Variants in PTPRD observed in about 807,000 individuals in gnomAD.
The protein encoded by PTPRD is receptor-type tyrosine-protein phosphatase delta.
A neutral mutation model predicts 214.5 loss-of-function variants in PTPRD; 34 were observed. The ratio of observed to expected loss-of-function variants is 0.16; its 90% CI spans 0.12 to 0.21. PTPRD has a LOEUF of 0.21. Ranked by LOEUF, PTPRD falls within the 10% of genes least tolerant of loss-of-function variation. The probability of loss-of-function intolerance (pLI) is 1.00; values close to 1 mark genes in which losing one functional copy is unlikely to be tolerated. For missense variants in PTPRD, 2,545 were observed against 2,398.7 expected (o/e 1.06, Z -1.27); for synonymous variants, 1,128 against 845.7 (o/e 1.33, Z -5.79).
chr9:8,547,825 A>C (rs1314219038), intron 14 of PTPRD, among the ~76,000 whole-genome samples: 1 of 152,220 alleles, frequency 6.6e-6, no homozygotes, highest in African/African-American at 2.4e-5. Flanking sequence ...ACATGTTTAC[A>C]TTACTTGCAG....
At chr9:8,349,493 C>T (rs2074826946) in intron 39 of PTPRD, among the ~76,000 whole-genome samples, 1 of 152,146 alleles carries the variant, frequency 6.6e-6, no homozygotes, top group Non-Finnish European at 1.5e-5. Flanking sequence ...ACTCAGCTCT[C>T]CATTGCAGTG....
At chr9:9,917,481 C>T (rs2081275453) in intron 5 of PTPRD, among the ~76,000 whole-genome samples, 1 of 140,580 alleles carries the variant, frequency 7.1e-6, no homozygotes, top group African/African-American at 2.6e-5. Context: ...AATCCAGGAC[C>T]AGATGTCTTT....
intron 3 of PTPRD, among the ~76,000 whole-genome samples, chr9:10,196,160 G>A (rs1192436418): frequency 6.6e-6 from 1 of 152,070 alleles, no homozygotes; most frequent in Non-Finnish European, 1.5e-5. Context: ...GGACTTTATT[G>A]TACATAAATA....
intron 42 of PTPRD, among the ~76,000 whole-genome samples, chr9:8,339,263 A>G (rs1850029179): frequency 6.6e-6 from 1 of 152,150 alleles, no homozygotes; most frequent in Non-Finnish European, 1.5e-5. Flanking sequence ...TATGGCATCC[A>G]GCACGGTCTC....
intron 7 of PTPRD, among the ~76,000 whole-genome samples, chr9:9,676,883 T>C (rs1192754191): frequency 6.6e-6 from 1 of 152,192 alleles, no homozygotes; most frequent in Non-Finnish European, 1.5e-5. Flanking sequence ...CCAGTGATGA[T>C]GAGCATTTTT....
chr9:8,842,642 C>G (rs2097581250), intron 11 of PTPRD, among the ~76,000 whole-genome samples: 1 of 152,158 alleles, frequency 6.6e-6, no homozygotes, highest in African/African-American at 2.4e-5. Context: ...TCCCACCAAA[C>G]TGTCAGGGGT....
chr9:9,983,442 T>C (rs1487935467), intron 4 of PTPRD, among the ~76,000 whole-genome samples: 2 of 152,214 alleles, frequency 1.3e-5, no homozygotes, highest in African/African-American at 2.4e-5. Context: ...TGTAAAAGTA[T>C]GCAAAGTCAA....
chr9:9,504,385 T>C (rs977148807), intron 8 of PTPRD, among the ~76,000 whole-genome samples: 5 of 151,718 alleles, frequency 3.3e-5, no homozygotes, highest in African/African-American at 1.2e-4. Flanking sequence ...TTATGGCTTA[T>C]GATGACCTAC....
At chr9:9,144,410 A>C (rs529959174) in intron 10 of PTPRD, among the ~76,000 whole-genome samples, 9 of 152,196 alleles carry the variant, frequency 5.9e-5, no homozygotes, top group Non-Finnish European at 1.3e-4. Flanking sequence ...TGTCAACTGG[A>C]AACATTAAGT....
In PTPRD at chr9:9,845,371, T is replaced by C. The variant is rs147448124; in HGVS notation, c.-367-78520A>G. On this transcript the variant is annotated intron_variant, in intron 5 of 45. Transcript: ENST00000381196. The stretch of plus-strand genomic sequence containing the variant: ...TCTTGTCCACAAAAGACTTTGGCAG[T>C]GTCCATAAGGCACACATTTGAAGGC... Among the ~76,000 whole-genome samples the C allele has an allele frequency of 2.9e-4, 44 of 151,806 alleles. No individual in the cohort carries two copies. In the East Asian group the frequency reaches 7.2e-3, roughly 25 times the overall value.
chr9:10,294,911 G>T (rs1377191909), intron 3 of PTPRD, among the ~76,000 whole-genome samples: 1 of 151,908 alleles, frequency 6.6e-6, no homozygotes, highest in Non-Finnish European at 1.5e-5. Context: ...TTTGTTTATT[G>T]TATGGTTTGA....
At chr9:10,466,808 T>C (rs145060733) in intron 2 of PTPRD, among the ~76,000 whole-genome samples, 1 of 152,152 alleles carries the variant, frequency 6.6e-6, no homozygotes, top group East Asian at 1.9e-4. Flanking sequence ...CTAGATGGCT[T>C]AGTGGCAAAA....
At chr9:8,556,857 T>C (rs533226384) in intron 14 of PTPRD, among the ~76,000 whole-genome samples, 24 of 152,276 alleles carry the variant, frequency 1.6e-4, no homozygotes, top group African/African-American at 5.3e-4. Context: ...ATGTCTTTCA[T>C]TGATGGTACA....
intron 3 of PTPRD, among the ~76,000 whole-genome samples, chr9:10,297,532 A>G (rs2095716068): frequency 6.6e-6 from 1 of 151,262 alleles, no homozygotes; most frequent in African/African-American, 2.4e-5. Flanking sequence ...AGCCTGAGTA[A>G]CAGTGATGCT....
At chr9:8,920,546 C>A (rs1228383765) in intron 11 of PTPRD, among the ~76,000 whole-genome samples, 1 of 152,104 alleles carries the variant, frequency 6.6e-6, no homozygotes, top group South Asian at 2.1e-4. Context: ...TCTTGGGTCA[C>A]ACATAAAATA....
At chr9:8,387,458 C>T (rs958057710) in intron 37 of PTPRD, among the ~76,000 whole-genome samples, 2 of 152,182 alleles carry the variant, frequency 1.3e-5, no homozygotes, top group Admixed American at 6.5e-5. Flanking sequence ...TGAAGGCCTG[C>T]AGTGTCAAGA....
chr9:9,911,615 C>T (rs921257088), intron 5 of PTPRD, among the ~76,000 whole-genome samples: 2 of 152,058 alleles, frequency 1.3e-5, no homozygotes, highest in Non-Finnish European at 2.9e-5. Flanking sequence ...TAATAATTTG[C>T]ATTTTATCAG....
chr9:8,662,725 T>C (rs2097089378), intron 12 of PTPRD, among the ~76,000 whole-genome samples: 1 of 152,216 alleles, frequency 6.6e-6, no homozygotes, highest in African/African-American at 2.4e-5. Flanking sequence ...ATCTGGACCC[T>C]GTAAGCATCT....
chr9:8,924,972 C>T (rs1466103900), intron 11 of PTPRD, among the ~76,000 whole-genome samples: 1 of 152,104 alleles, frequency 6.6e-6, no homozygotes, highest in Non-Finnish European at 1.5e-5. Flanking sequence ...AAATGAACAT[C>T]ATGACTTGCT....
Sources: allele counts gnomAD v4.1 joint callset (sites outside exome capture counted in the v4.1 genomes callset), GRCh38; gene constraint gnomAD v4.1.1; transcripts MANE v1.5; gene names NCBI Gene and HGNC (gene_info 2026-07-23, HGNC 2026-07-21).